CNTRL: variants seen among roughly 807,000 people sequenced by gnomAD.
CNTRL encodes centriolin.
CNTRL carries 233 observed loss-of-function variants against 303.7 expected under a neutral mutation model. The observed-to-expected ratio is 0.77, with a 90% CI of 0.69 to 0.86. The LOEUF (loss-of-function observed/expected upper bound fraction) is 0.86. CNTRL is among the 40% of genes least tolerant of loss of function. The probability of loss-of-function intolerance (pLI) is 0.00; values close to 1 mark genes in which losing one functional copy is unlikely to be tolerated. For missense variants in CNTRL, 2,524 were observed against 2,650.6 expected, an observed-to-expected ratio of 0.95 and a Z score of 1.05; for synonymous variants, 900 against 922.2, an observed-to-expected ratio of 0.98 and a Z score of 0.44.
chr9:121,164,876 C>A (rs762035811), intron 34 of CNTRL, 67 bp from the exon 35 acceptor site: 7 of 1,242,174 alleles, frequency 5.6e-6, no homozygotes, highest in Non-Finnish European at 7.9e-6. Context: ...GAAAGGATAA[C>A]ACTGTTCCTC....
In CNTRL at chr9:121,118,388, G is replaced by A. The variant is rs150881178; in HGVS notation, c.1498G>A (p.Gly500Ser). 83 of 1,610,976 alleles carry A rather than the reference G, an allele frequency of 5.2e-5. No homozygotes were observed. In the African/African-American group the frequency reaches 8.5e-4, roughly 17 times the overall value. ...AGACCTTCTTTACAAGCAGTTGAGT[G>A]GTAGACTACAACTTGTAAATAAATT... is the stretch of plus-strand genomic sequence containing the variant. Reference protein sequence around the residue: ...GKDLLYKQLSGRLQLVNKLRQ... With the variant: ...GKDLLYKQLSSRLQLVNKLRQ... The change falls in exon 12 of 44, where the codon GGT (glycine) becomes AGT (serine). Residue 500 changes from glycine (G) to serine (S), a missense_variant. Gly to Ser is a moderately conservative substitution (Grantham distance 56, BLOSUM62 0). Coordinates refer to ENST00000373855, the MANE Select transcript of CNTRL (RefSeq NM_007018.6).
intron 6 of CNTRL, among the ~76,000 whole-genome samples, chr9:121,097,679 C>T (rs980917066): frequency 2.0e-5 from 3 of 152,138 alleles, no homozygotes; most frequent in Non-Finnish European, 2.9e-5. Flanking sequence ...AGCCATAGAT[C>T]TAAAATTTGC....
At chr9:121,161,771 C>A in intron 32 of CNTRL, 85 bp from the exon 33 acceptor site, 2 of 993,160 alleles carry the variant, frequency 2.0e-6, no homozygotes, top group Non-Finnish European at 3.1e-6. Context: ...TTGTATTAGT[C>A]AATAGCATTG....
At chr9:121,129,682 GT>G (rs2050744831) in intron 14 of CNTRL, among the ~76,000 whole-genome samples, 1 of 152,164 alleles carries the variant, frequency 6.6e-6, no homozygotes, top group Non-Finnish European at 1.5e-5. Flanking sequence ...TTGAATAGGA[GT>G]GGTGAGAGAG....
intron 14 of CNTRL, among the ~76,000 whole-genome samples, chr9:121,132,826 A>G (rs1012423181): frequency 3.3e-5 from 5 of 151,930 alleles, no homozygotes; most frequent in Non-Finnish European, 5.9e-5. Context: ...TTTGGTGTGG[A>G]TGTCCTTTTT....
chr9:121,119,964 T>C (rs2050156537), intron 12 of CNTRL, among the ~76,000 whole-genome samples: 2 of 152,240 alleles, frequency 1.3e-5, no homozygotes, highest in Admixed American at 6.5e-5. Context: ...TCCTGAGATA[T>C]GGCTAGATAT....
chr9:121,077,771 C>A (rs1236874878), intron 1 of CNTRL, among the ~76,000 whole-genome samples: 1 of 138,958 alleles, frequency 7.2e-6, no homozygotes, highest in Non-Finnish European at 1.6e-5. Context: ...ATAGTGAGAC[C>A]CCCCATCTCT....
intron 7 of CNTRL, among the ~76,000 whole-genome samples, chr9:121,103,444 C>G (rs1040192884): frequency 6.6e-6 from 1 of 152,252 alleles, no homozygotes; most frequent in East Asian, 1.9e-4. Flanking sequence ...ACCATAAAAA[C>G]CCTAGAAGAA....
At position 121,145,339 on chromosome 9, in the gene CNTRL, G is replaced by A. The variant is rs1449893828; in HGVS notation, c.3264G>A (p.Arg1088=). ...EKLNETMERQ[R]TEIARLQNVL... ...TGAATGAGACAATGGAACGACAAAG[G>A]ACAGAGATTGCAAGGCTGCAGAATG... is the stretch of plus-strand genomic sequence containing the variant. Residue 1088 remains arginine, a synonymous_variant, in exon 22 of 44, where the codon AGG becomes AGA. Transcript: ENST00000373855. The A allele has an allele frequency of 6.2e-7, 1 of 1,614,042 alleles. No homozygotes were observed. The highest frequency in any genetic ancestry group is 2.2e-5 in the East Asian group (1 of 44,858).
intron 42 of CNTRL, 34 bp downstream of exon 42, chr9:121,173,771 A>T (rs2053410344): frequency 1.3e-6 from 2 of 1,592,206 alleles, no homozygotes; most frequent in Non-Finnish European, 8.6e-7. Context: ...AATCAGTATG[A>T]GATACTGGGC....
At chr9:121,107,674 C>A in intron 7 of CNTRL, 128 bp from the exon 8 acceptor site, 1 of 623,972 alleles carries the variant, frequency 1.6e-6, no homozygotes, top group Non-Finnish European at 2.6e-6. Context: ...ACCATGGTGG[C>A]TAATTTTAAA....
chr9:121,100,176 A>G (rs762384665), intron 7 of CNTRL, among the ~76,000 whole-genome samples: 4 of 152,244 alleles, frequency 2.6e-5, no homozygotes, highest in African/African-American at 4.8e-5. Flanking sequence ...CGGGTTACCC[A>G]CAAGGGAAGC....
intron 16 of CNTRL, 83 bp from the exon 17 acceptor site, chr9:121,140,558 G>T: frequency 8.1e-7 from 1 of 1,227,528 alleles, no homozygotes; most frequent in Non-Finnish European, 1.1e-6. Context: ...TTAGTTCTGT[G>T]GTCTAGATAT....
chr9:121,172,456 C>T (rs187986997), intron 40 of CNTRL, among the ~76,000 whole-genome samples: 1 of 152,150 alleles, frequency 6.6e-6, no homozygotes, highest in Admixed American at 6.5e-5. Context: ...GCCTGGGAAA[C>T]ATGCCGAGAC....
At chr9:121,087,290 C>T (rs1383946002) in intron 2 of CNTRL, among the ~76,000 whole-genome samples, 5 of 151,950 alleles carry the variant, frequency 3.3e-5, no homozygotes, top group Admixed American at 2.6e-4. Context: ...AGAGGAGGAA[C>T]GGGGTAAATA....
intron 43 of CNTRL, among the ~76,000 whole-genome samples, chr9:121,176,730 A>G (rs1176828193): frequency 6.6e-6 from 1 of 152,264 alleles, no homozygotes; most frequent in South Asian, 2.1e-4. Flanking sequence ...TATGGGATAA[A>G]AGCCTGAACT....
At chr9:121,101,057 C>A (rs903797013) in intron 7 of CNTRL, among the ~76,000 whole-genome samples, 5 of 151,566 alleles carry the variant, frequency 3.3e-5, no homozygotes, top group Non-Finnish European at 4.4e-5. Context: ...ACCAAGCAGA[C>A]CTAATACAGA....
chr9:121,076,333 CAGA>C (rs562365345), intron 1 of CNTRL, among the ~76,000 whole-genome samples: 114 of 152,014 alleles, frequency 7.5e-4, no homozygotes, highest in African/African-American at 2.7e-3. Flanking sequence ...GGTATCTGAG[CAGA>C]AGAAGAGAGA....
At chr9:121,121,853 G>T (rs1588160316) in intron 12 of CNTRL, 1 of 985,374 alleles carries the variant, frequency 1.0e-6, no homozygotes. Flanking sequence ...GTCAGAGAGG[G>T]AAGTGCACAT....
Sources: allele counts gnomAD v4.1 joint callset (sites outside exome capture counted in the v4.1 genomes callset), GRCh38; gene constraint gnomAD v4.1.1; transcripts MANE v1.5; gene names NCBI Gene and HGNC (gene_info 2026-07-23, HGNC 2026-07-21).